The following MAGI1 variants were observed in gnomAD, a reference collection of about 807,000 sequenced individuals.
MAGI1 encodes membrane associated guanylate kinase, WW and PDZ domain containing 1.
In MAGI1, 58 loss-of-function variants were observed where a neutral mutation model predicts 139.9. The observed-to-expected ratio is 0.41, with a 90% CI of 0.34 to 0.52. The LOEUF (loss-of-function observed/expected upper bound fraction) is 0.52. Among genes scored for constraint, MAGI1 ranks in the 20% least tolerant of loss-of-function variants. The pLI, the probability that MAGI1 is intolerant of heterozygous loss-of-function variation, is 0.12. For missense variants in MAGI1, 1,874 were observed against 1,901.6 expected, an observed-to-expected ratio of 0.99 and a Z score of 0.27; for synonymous variants, 812 against 737.9, an observed-to-expected ratio of 1.10 and a Z score of -1.63.
At chr3:65,657,278 G>A (rs2085931810) in intron 1 of MAGI1, among the ~76,000 whole-genome samples, 1 of 151,916 alleles carries the variant, frequency 6.6e-6, no homozygotes, top group Non-Finnish European at 1.5e-5. Flanking sequence ...TGGTAATACT[G>A]CCTCCCAGGT....
intron 1 of MAGI1, among the ~76,000 whole-genome samples, chr3:66,032,385 G>GAT (rs2068659949): frequency 7.5e-6 from 1 of 134,216 alleles, no homozygotes; most frequent in Non-Finnish European, 1.6e-5. Flanking sequence ...TAATTTTTTT[G>GAT]TTTTTTTTTT....
At chr3:65,584,922 C>T (rs970811036) in intron 2 of MAGI1, among the ~76,000 whole-genome samples, 6 of 152,144 alleles carry the variant, frequency 3.9e-5, no homozygotes, top group Non-Finnish European at 7.3e-5. Flanking sequence ...AACAAGGACC[C>T]GCATTCAGGG....
intron 1 of MAGI1, among the ~76,000 whole-genome samples, chr3:65,954,046 A>G (rs1207258192): frequency 6.6e-6 from 1 of 151,970 alleles, no homozygotes; most frequent in Non-Finnish European, 1.5e-5. Context: ...AAATGACTTC[A>G]TTTCCTCCAG....
chr3:65,611,599 GTATA>G (rs1419690941), intron 2 of MAGI1, among the ~76,000 whole-genome samples: 3 of 130,666 alleles, frequency 2.3e-5, no homozygotes, highest in African/African-American at 5.7e-5. Context: ...AGTATATACA[GTATA>G]TATATACTAT....
chr3:65,412,933 T>C (rs1006628163), intron 12 of MAGI1, among the ~76,000 whole-genome samples: 1 of 152,168 alleles, frequency 6.6e-6, no homozygotes, highest in Admixed American at 6.5e-5. Context: ...CTCCAGCAAA[T>C]GGATATGTTC....
chr3:65,861,918 C>G (rs34224937), intron 1 of MAGI1, among the ~76,000 whole-genome samples: 2,919 of 152,244 alleles, frequency 0.019, 42 homozygotes, highest in Non-Finnish European at 0.029. Context: ...AATCACGTCA[C>G]GCATCATAAG....
chr3:65,985,081 G>A (rs1255238932), intron 1 of MAGI1, among the ~76,000 whole-genome samples: 1 of 152,152 alleles, frequency 6.6e-6, no homozygotes, highest in Non-Finnish European at 1.5e-5. Flanking sequence ...CTCATTTACT[G>A]AGCATGTGTG....
At chr3:66,012,213 A>C (rs2067358382) in intron 1 of MAGI1, among the ~76,000 whole-genome samples, 1 of 152,146 alleles carries the variant, frequency 6.6e-6, no homozygotes, top group Non-Finnish European at 1.5e-5. Flanking sequence ...AATCTGTCAA[A>C]CTTTTAAGTA....
chr3:65,878,497 C>G (rs949614911), intron 1 of MAGI1, among the ~76,000 whole-genome samples: 1 of 132,964 alleles, frequency 7.5e-6, no homozygotes, highest in Non-Finnish European at 1.5e-5. Context: ...GCCTGGACAA[C>G]AGAGCGAGAC....
At chr3:65,718,943 T>C (rs1232569265) in intron 1 of MAGI1, among the ~76,000 whole-genome samples, 1 of 149,006 alleles carries the variant, frequency 6.7e-6, no homozygotes. Context: ...TCCCTTTTCC[T>C]GCCCTCTCTC....
chr3:65,947,936 CTCT>C (rs2063616058), intron 1 of MAGI1, among the ~76,000 whole-genome samples: 1 of 138,138 alleles, frequency 7.2e-6, no homozygotes, highest in African/African-American at 2.6e-5. Context: ...CAATATCTTT[CTCT>C]TTTTTTTTTT....
chr3:65,882,082 T>A (rs2060351821), intron 1 of MAGI1, among the ~76,000 whole-genome samples: 1 of 152,232 alleles, frequency 6.6e-6, no homozygotes, highest in South Asian at 2.1e-4. Flanking sequence ...AAACATTCTA[T>A]CCAAAGAAAG....
intron 1 of MAGI1, among the ~76,000 whole-genome samples, chr3:65,926,328 T>TCTCC (rs2062506443): frequency 8.3e-5 from 1 of 12,110 alleles, no homozygotes; most frequent in South Asian, 5.2e-3. Context: ...AGTCTTCTTT[T>TCTCC]CTCTCTCTCT....
chr3:65,594,663 A>C (rs945474834), intron 2 of MAGI1, among the ~76,000 whole-genome samples: 5 of 152,228 alleles, frequency 3.3e-5, no homozygotes, highest in African/African-American at 1.2e-4. Context: ...GGGTCTGATT[A>C]TCAACATAAG....
At chr3:65,364,486 T>C (rs1050376962) in intron 20 of MAGI1, among the ~76,000 whole-genome samples, 179 bp downstream of exon 20, 1 of 152,216 alleles carries the variant, frequency 6.6e-6, no homozygotes, top group African/African-American at 2.4e-5. Flanking sequence ...TATTTTAAGG[T>C]AGTAAAATAA....
chr3:65,544,392 G>A (rs1443989751), intron 2 of MAGI1, among the ~76,000 whole-genome samples: 1 of 152,116 alleles, frequency 6.6e-6, no homozygotes, highest in East Asian at 1.9e-4. Context: ...ATCTCAGAAA[G>A]AGGAGATTGC....
intron 1 of MAGI1, among the ~76,000 whole-genome samples, chr3:65,840,068 C>T (rs1180378182): frequency 6.6e-6 from 1 of 151,852 alleles, no homozygotes; most frequent in Non-Finnish European, 1.5e-5. Context: ...TGGTCATTGC[C>T]AGTATATAGA....
chr3:65,498,062 G>C (rs1006178783), intron 2 of MAGI1, among the ~76,000 whole-genome samples: 1 of 152,254 alleles, frequency 6.6e-6, no homozygotes, highest in East Asian at 1.9e-4. Flanking sequence ...AAAGGACCGA[G>C]GGAGGGGACC....
chr3:65,982,180 T>C (rs1460761156), intron 1 of MAGI1, among the ~76,000 whole-genome samples: 2 of 152,222 alleles, frequency 1.3e-5, no homozygotes, highest in Non-Finnish European at 2.9e-5. Flanking sequence ...TTGGTCGAGT[T>C]CCCTGAGCAT....
Sources: allele counts gnomAD v4.1 joint callset (sites outside exome capture counted in the v4.1 genomes callset), GRCh38; gene constraint gnomAD v4.1.1; transcripts MANE v1.5; gene names NCBI Gene and HGNC (gene_info 2026-07-23, HGNC 2026-07-21).